ZNF676: variants seen among roughly 807,000 people sequenced by gnomAD.
ZNF676 encodes the protein zinc finger protein 676.
In ZNF676, 4 loss-of-function variants were observed where a neutral mutation model predicts 6.0. The ratio of observed to expected loss-of-function variants is 0.67; its 90% CI spans 0.33 to 1.53. The LOEUF is 1.53. Ranked by LOEUF, ZNF676 falls within the 40% of genes most tolerant of loss-of-function variation. The pLI is 0.06. For missense variants in ZNF676, 644 were observed against 679.7 expected (o/e 0.95, Z 0.58); for synonymous variants, 198 against 223.1 (o/e 0.89, Z 1.00).
chr19:22,179,592 G>A lies in ZNF676; in HGVS notation c.*358C>T. 2.1e-6 allele frequency: 1 copy of A among 467,632 alleles called. No individual in the cohort carries two copies. Among genetic ancestry groups the A allele is most frequent in the South Asian group, 2.0e-5 (1 of 49,454 alleles). The allele number at this position is 467,632 out of a possible 1,614,324, so 29.0% of individuals were successfully genotyped here. A position where few individuals can be genotyped will look rare whatever the true frequency, so the allele number is the denominator to read the frequency against. On this transcript the variant is annotated 3_prime_UTR_variant, in exon 3 of 3. Transcript: ENST00000397121. The stretch of plus-strand genomic sequence containing the variant: ...AGTAAGGGTTGAGAACTAATGAAAA[G>A]CTTTGCCACGTTTTTCACATTTGTA...
At chr19:22,186,288 T>C (rs2023838746) in intron 2 of ZNF676, among the ~76,000 whole-genome samples, 1 of 152,194 alleles carries the variant, frequency 6.6e-6, no homozygotes, top group Non-Finnish European at 1.5e-5. Context: ...CTAAGCTTCA[T>C]AAGCGAAGGT....
chr19:22,209,719 T>C (rs2024111441), intron 1 of ZNF676, among the ~76,000 whole-genome samples: 2 of 152,176 alleles, frequency 1.3e-5, no homozygotes, highest in African/African-American at 4.8e-5. Context: ...GTTTGTGCTA[T>C]AGATAGTGGC....
chr19:22,198,700 T>C (rs1471367729), upstream of ZNF676, among the ~76,000 whole-genome samples: 1 of 152,138 alleles, frequency 6.6e-6, no homozygotes, highest in African/African-American at 2.4e-5. Context: ...CATCCATTTC[T>C]GTCCTTTATA....
the ZNF676 span, among the ~76,000 whole-genome samples, chr19:22,249,100 T>A: frequency 6.6e-6 from 1 of 152,218 alleles, no homozygotes; most frequent in East Asian, 1.9e-4. Flanking sequence ...AAGTCTAATT[T>A]TTTTTCAGAA....
chr19:22,257,531 G>A, the ZNF676 span, among the ~76,000 whole-genome samples: 3 of 152,106 alleles, frequency 2.0e-5, no homozygotes, highest in Admixed American at 1.3e-4. Flanking sequence ...GGTGACTAAC[G>A]ACATGATAGG....
chr19:22,226,152 G>A, the ZNF676 span, among the ~76,000 whole-genome samples: 3 of 151,920 alleles, frequency 2.0e-5, no homozygotes, highest in African/African-American at 4.8e-5. Flanking sequence ...TCAGTTTTCA[G>A]CATTAATTTT....
the ZNF676 span, chr19:22,245,495 T>C: frequency 2.8e-5 from 2 of 72,050 alleles, no homozygotes; most frequent in African/African-American, 5.3e-5. Context: ...CCCAGAGATA[T>C]GTCACAATGC....
At chr19:22,252,446 A>G in the ZNF676 span, among the ~76,000 whole-genome samples, 26 of 152,056 alleles carry the variant, frequency 1.7e-4, no homozygotes, top group African/African-American at 6.3e-4. Context: ...GAAAAAAAAA[A>G]AAGAAGAGTC....
the ZNF676 span, among the ~76,000 whole-genome samples, chr19:22,251,464 C>T: frequency 6.6e-6 from 1 of 152,020 alleles, no homozygotes; most frequent in Admixed American, 6.6e-5. Flanking sequence ...GACTGCAGCT[C>T]AAAAGAAACA....
chr19:22,187,580 A>T (rs1284058983), intron 2 of ZNF676, among the ~76,000 whole-genome samples: 1 of 148,914 alleles, frequency 6.7e-6, no homozygotes, highest in Non-Finnish European at 1.5e-5. Flanking sequence ...TCCAGGAGCT[A>T]TTTTTTTTTT....
intron 1 of ZNF676, among the ~76,000 whole-genome samples, chr19:22,210,188 T>C (rs2024115399): frequency 6.6e-6 from 1 of 152,184 alleles, no homozygotes; most frequent in Admixed American, 6.5e-5. Context: ...GAGTCTGTGA[T>C]ATCTTTCTTC....
intron 2 of ZNF676, 43 bp from the exon 3 acceptor site, chr19:22,181,629 T>G: frequency 7.1e-7 from 1 of 1,414,276 alleles, no homozygotes; most frequent in South Asian, 1.5e-5. Context: ...CATATTAGAC[T>G]CAGATAAGTA....
At chr19:22,252,416 T>A in the ZNF676 span, among the ~76,000 whole-genome samples, 32,760 of 122,698 alleles carry the variant, frequency 0.27, 4,040 homozygotes, top group South Asian at 0.41. Context: ...GAAAAGAAAG[T>A]AGGAAAGAAA....
chr19:22,192,994 G>T (rs1375967767), intron 2 of ZNF676, 22 bp downstream of exon 2: 1 of 1,593,142 alleles, frequency 6.3e-7, no homozygotes, highest in Non-Finnish European at 8.5e-7. Context: ...CATTCATGTT[G>T]TCTGTATTCA....
chr19:22,255,641 C>G, the ZNF676 span, among the ~76,000 whole-genome samples: 2 of 151,988 alleles, frequency 1.3e-5, no homozygotes, highest in African/African-American at 4.8e-5. Context: ...GTCAGGAGAT[C>G]GAGACCATCC....
chr19:22,236,042 G>C, the ZNF676 span, among the ~76,000 whole-genome samples: 1 of 151,460 alleles, frequency 6.6e-6, no homozygotes, highest in Non-Finnish European at 1.5e-5. Flanking sequence ...CCAAATGAAA[G>C]AGTTGAATGG....
the ZNF676 span, chr19:22,245,069 A>T: frequency 6.6e-6 from 1 of 152,176 alleles, no homozygotes; most frequent in East Asian, 1.9e-4. Flanking sequence ...GAACAGTGGT[A>T]CATCACAATT....
At position 22,181,507 on chromosome 19, in the gene ZNF676, T is replaced by A. The variant is rs1568525332; in HGVS notation, c.210A>T (p.Arg70Ser). The A allele has an allele frequency of 1.2e-6, 2 of 1,612,778 alleles. No individual in the cohort carries two copies. The highest frequency in any genetic ancestry group is 1.7e-6 in the Non-Finnish European group (2 of 1,179,516). ...AATTCTCATGTCCACATTTGTCATA[T>A]CTTCTCAATATCATTTTTTGGAAAG... is the stretch of plus-strand genomic sequence containing the variant. ...EDSFQKMILR[R>S]YDKCGHENLH... is the part of the protein sequence containing the mutation. The change falls in exon 3 of 3, where the codon AGA (arginine) becomes AGT (serine). Residue 70 changes from arginine (R) to serine (S), a missense_variant. By Grantham distance (110) the Arg-to-Ser change is moderately radical. Transcript: ENST00000397121.
At chr19:22,230,525 A>G in the ZNF676 span, among the ~76,000 whole-genome samples, 1 of 151,922 alleles carries the variant, frequency 6.6e-6, no homozygotes, top group Non-Finnish European at 1.5e-5. Flanking sequence ...AAGAATGCTG[A>G]AGAGTTTCTT....
Sources: allele counts gnomAD v4.1 joint callset (sites outside exome capture counted in the v4.1 genomes callset), GRCh38; gene constraint gnomAD v4.1.1; transcripts MANE v1.5; gene names NCBI Gene and HGNC (gene_info 2026-07-23, HGNC 2026-07-21).